The following RBM45 variants were observed in gnomAD, a reference collection of about 807,000 sequenced individuals.
RBM45 encodes the protein RNA binding motif protein 45.
In RBM45, 39 loss-of-function variants were observed where a neutral mutation model predicts 58.5. That is an observed-to-expected ratio of 0.67 (90% CI 0.52 to 0.87). The LOEUF is 0.87. Ranked by LOEUF, RBM45 falls within the 40% of genes least tolerant of loss-of-function variation. RBM45 has a pLI of 0.00. For missense variants in RBM45, 481 were observed against 581.6 expected (o/e 0.83, Z 1.78); for synonymous variants, 193 against 203.0 (o/e 0.95, Z 0.42).
chr2:178,128,535 C>T (rs2087965293), intron 9 of RBM45, among the ~76,000 whole-genome samples: 1 of 152,150 alleles, frequency 6.6e-6, no homozygotes, highest in Non-Finnish European at 1.5e-5. Flanking sequence ...GAGAACTAAG[C>T]TTTATAAATA....
At chr2:178,137,567 T>C (rs995997900) in exon 4 of RBM45, 1 of 152,170 alleles carries the variant, frequency 6.6e-6, no homozygotes, top group Non-Finnish European at 1.5e-5. Flanking sequence ...CTCACAAACA[T>C]AATGTTGAAC....
rs1381931400 is a variant in RBM45 at position 178,124,147 on chromosome 2, A to C, written c.1089A>C (p.Gly363=). 1 of 1,592,922 alleles carries C rather than the reference A, an allele frequency of 6.3e-7. No homozygotes were observed. Among genetic ancestry groups the C allele is most frequent in the Non-Finnish European group, 8.5e-7 (1 of 1,174,390 alleles). ...QQFMQFGGSS[G]SQLPQIQTDV... ...AACAGCAATTTGGAGGAAGCTCTGG[A>C]TCACAGTTGCCTCAAATCCAGACAG... The change falls in exon 8 of 10, where the codon GGA becomes GGC. Residue 363 remains glycine, a synonymous_variant. Coordinates refer to ENST00000286070, the MANE Select transcript of RBM45 (RefSeq NM_152945.4).
chr2:178,138,076 C>T (rs920499020), exon 4 of RBM45: 1 of 152,100 alleles, frequency 6.6e-6, no homozygotes, highest in African/African-American at 2.4e-5. Flanking sequence ...ATAGTCATAG[C>T]ACTAAAGAAA....
intron 5 of RBM45, among the ~76,000 whole-genome samples, chr2:178,122,912 A>G (rs574662036): frequency 6.6e-6 from 1 of 152,102 alleles, no homozygotes; most frequent in African/African-American, 2.4e-5. Context: ...TGGGCTCTCT[A>G]AGGAATGCAT....
In RBM45 at chr2:178,129,583, G is replaced by A. The variant is rs1040035952; in HGVS notation, c.*195G>A. 5 of 152,660 alleles carry A rather than the reference G, an allele frequency of 3.3e-5. No individual in the cohort carries two copies. In the East Asian group the frequency reaches 7.7e-4, roughly 24 times the overall value. The allele number at this position is 152,660 out of a possible 1,614,324, so 9.5% of individuals were successfully genotyped here. A position where few individuals can be genotyped will look rare whatever the true frequency, so the allele number is the denominator to read the frequency against. ...TGAATCCATACATTAATGCTAAAAC[G>A]AATATAGTAGTTGTTCCTTAGAGCA... On this transcript the variant is annotated 3_prime_UTR_variant, in exon 10 of 10. Transcript: ENST00000286070.
rs2087923136 is a variant in RBM45 at position 178,125,939 on chromosome 2, T to C, written c.1233-45T>C. On this transcript the variant is annotated intron_variant, in intron 8 of 9. Coordinates refer to ENST00000286070, the MANE Select transcript of RBM45 (RefSeq NM_152945.4). ...ACTCCAAATTTTAGACCTGAGCAGTTGTATTTATCAATTTTGGTTGATTAT... is the reference window on the plus strand; with the variant it reads ...ACTCCAAATTTTAGACCTGAGCAGTCGTATTTATCAATTTTGGTTGATTAT... 3.3e-6 allele frequency: 5 copies of C among 1,529,876 alleles called. 1 individual carries two copies. Among genetic ancestry groups the C allele is most frequent in the Non-Finnish European group, 9.0e-7 (1 of 1,107,414 alleles). 94.8% of individuals were successfully genotyped at this position (1,529,876 alleles called of 1,614,324 possible). A position where few individuals can be genotyped will look rare whatever the true frequency, so the allele number is the denominator to read the frequency against.
At chr2:178,125,848 T>A (rs1306753395) in intron 8 of RBM45, 136 bp from the exon 9 acceptor site, 1 of 715,636 alleles carries the variant, frequency 1.4e-6, no homozygotes, top group Non-Finnish European at 2.6e-6. Context: ...TTGACTGAGA[T>A]GTTTAAGATT....
Position 178,129,404 on chromosome 2 carries a change from A to G in RBM45, c.*16A>G, listed in dbSNP as rs1183287492. 1 of 152,486 alleles carries G rather than the reference A, an allele frequency of 6.6e-6. No homozygotes were observed. Among genetic ancestry groups the G allele is most frequent in the African/African-American group, 2.4e-5 (1 of 41,396 alleles). 9.4% of individuals were successfully genotyped at this position (152,486 alleles called of 1,614,324 possible). On this transcript the variant is annotated 3_prime_UTR_variant, in exon 10 of 10. Coordinates refer to ENST00000286070, the MANE Select transcript of RBM45 (RefSeq NM_152945.4). The stretch of plus-strand genomic sequence containing the variant: ...GTTGTGTTCTTTCTACAGAACAAAG[A>G]CTAAATAATGACATAATCCTCAGCT...
At chr2:178,133,141 A>G (rs1002811154), downstream of RBM45, among the ~76,000 whole-genome samples, 4 of 152,178 alleles carry the variant, frequency 2.6e-5, no homozygotes, top group Admixed American at 6.5e-5. Context: ...CATTTTTTAG[A>G]ATTAAGCATC....
chr2:178,128,084 C>A (rs2087957819), intron 9 of RBM45, among the ~76,000 whole-genome samples: 1 of 139,092 alleles, frequency 7.2e-6, no homozygotes, highest in African/African-American at 2.6e-5. Flanking sequence ...CAGCTTACTG[C>A]AGCCTCTGCC....
exon 4 of RBM45, chr2:178,137,515 G>A (rs1303247034): frequency 6.6e-6 from 1 of 152,166 alleles, no homozygotes; most frequent in African/African-American, 2.4e-5. Context: ...CTATAGCAAG[G>A]AAATGAGCTA....
rs780431520 is a variant in RBM45 at position 178,125,954 on chromosome 2, T to G, written c.1233-30T>G. 3.8e-6 allele frequency: 6 copies of G among 1,589,632 alleles called. No individual in the cohort carries two copies. In the South Asian group the frequency reaches 4.4e-5, roughly 12 times the overall value. ...CCTGAGCAGTTGTATTTATCAATTT[T>G]GGTTGATTATTTTTTTCACTTTGTT... On this transcript the variant is annotated intron_variant, in intron 8 of 9. Transcript: ENST00000286070.
At chr2:178,120,812 A>G (rs2087839617) in intron 4 of RBM45, among the ~76,000 whole-genome samples, 1 of 152,186 alleles carries the variant, frequency 6.6e-6, no homozygotes, top group African/African-American at 2.4e-5. Context: ...AAGGAGAGGA[A>G]TGGTAAAAGT....
At chr2:178,118,780 T>A (rs1559078961) in intron 3 of RBM45, among the ~76,000 whole-genome samples, 1 of 152,184 alleles carries the variant, frequency 6.6e-6, no homozygotes, top group Non-Finnish European at 1.5e-5. Context: ...AGAAATGATA[T>A]GTAGAGTAAT....
At position 178,121,403 on chromosome 2, in the gene RBM45, TACACACACACACACAC is replaced by T. The variant is rs55710214; in HGVS notation, c.853+70_853+85del. 440 of 593,466 alleles carry T rather than the reference TACACACACACACACAC, an allele frequency of 7.4e-4. 28 individuals carry two copies. Among genetic ancestry groups the T allele is most frequent in the Middle Eastern group, 6.9e-3 (14 of 2,024 alleles). 36.8% of individuals were successfully genotyped at this position (593,466 alleles called of 1,614,324 possible). A position where few individuals can be genotyped will look rare whatever the true frequency, so the allele number is the denominator to read the frequency against. ...TAAAAAATATATATATATGTATATA[TACACACACACACACAC>T]ACACACACACACACACACACACACA... On this transcript the variant is annotated intron_variant, in intron 5 of 9. Coordinates refer to ENST00000286070, the MANE Select transcript of RBM45 (RefSeq NM_152945.4).
intron 8 of RBM45, among the ~76,000 whole-genome samples, chr2:178,124,925 C>T (rs2087907677): frequency 6.6e-6 from 1 of 152,040 alleles, no homozygotes; most frequent in Non-Finnish European, 1.5e-5. Context: ...GGGAAAAATA[C>T]ATAAATGTTT....
intron 9 of RBM45, among the ~76,000 whole-genome samples, chr2:178,126,839 T>C (rs540766770): frequency 2.0e-5 from 3 of 152,330 alleles, no homozygotes; most frequent in South Asian, 2.1e-4. Context: ...TGAATTCCAT[T>C]TCCTATTTTA....
chr2:178,122,437 A>G (rs992203030), intron 5 of RBM45, among the ~76,000 whole-genome samples: 6 of 152,188 alleles, frequency 3.9e-5, no homozygotes, highest in African/African-American at 1.4e-4. Context: ...CATACTCACT[A>G]GTACCCAACC....
intron 3 of RBM45, among the ~76,000 whole-genome samples, chr2:178,118,736 G>T (rs1365302822): frequency 6.6e-6 from 1 of 152,128 alleles, no homozygotes; most frequent in Non-Finnish European, 1.5e-5. Context: ...AATATTCTTT[G>T]TTGGTATACT....
Sources: gnomAD v4.1 joint callset for allele counts (sites outside exome capture counted in the v4.1 genomes callset) on GRCh38, gnomAD v4.1.1 for gene constraint, MANE v1.5 for transcripts, NCBI Gene and HGNC (gene_info 2026-07-23, HGNC 2026-07-21) for gene names.